The following RABL6 variants were observed in gnomAD, a reference collection of about 807,000 sequenced individuals.
The protein encoded by RABL6 is rab-like protein 6.
RABL6 carries 28 observed loss-of-function variants against 72.9 expected under a neutral mutation model. The observed-to-expected ratio is 0.38, with a 90% confidence interval of 0.28 to 0.53. RABL6 has a LOEUF of 0.53. RABL6 is among the 20% of genes least tolerant of loss of function. The pLI is 0.80. For synonymous variants in RABL6, 477 were observed against 421.2 expected, an observed-to-expected ratio of 1.13 and a Z score of -1.62; for missense variants, 1,029 against 1,008.4, an observed-to-expected ratio of 1.02 and a Z score of -0.28.
At chr9:136,834,919 G>C (rs1688891375) in intron 7 of RABL6, among the ~76,000 whole-genome samples, 2 of 126,668 alleles carry the variant, frequency 1.6e-5, no homozygotes, top group Non-Finnish European at 3.2e-5. Flanking sequence ...AATATAGCAT[G>C]ACCCTGTTCT....
rs202104047 is a variant in RABL6, at chr9:136,831,907, G to A, written c.599+46G>A. Reference sequence around the variant, plus strand: ...CCCGAGGGACCCTGCCCGGTGCTCCGGTGTGCGGGGGAGGGTGCTGAGGCA... The same window carrying A: ...CCCGAGGGACCCTGCCCGGTGCTCCAGTGTGCGGGGGAGGGTGCTGAGGCA... On this transcript the variant is annotated intron_variant, in intron 6 of 14. Transcript: ENST00000311502. 1.5e-4 allele frequency: 233 copies of A among 1,563,898 alleles called. 1 individual carries two copies. Among genetic ancestry groups the A allele is most frequent in the South Asian group, 1.2e-3 (106 of 85,016 alleles).
chr9:136,839,357 G>T lies in RABL6; in HGVS notation c.1629G>T (p.Glu543Asp). Residue 543 changes from glutamate (E) to aspartate (D), a missense_variant, in exon 12 of 15, where the codon GAG becomes GAT. Physicochemically the swap from Glu to Asp is conservative, Grantham distance 45. Around this residue, in one of 2 missense-constraint regions of RABL6, gnomAD observed 595 missense variants for 472.4 expected, o/e 1.26. Transcript: ENST00000311502. ...RSSTRPPAEM[E>D]PGKGEQASSS... ...GCACCAGGCCCCCTGCTGAGATGGAGCCGGGGAAGGGTGAGCAGGCCTCCT... is the reference window on the plus strand; with the variant it reads ...GCACCAGGCCCCCTGCTGAGATGGATCCGGGGAAGGGTGAGCAGGCCTCCT... The T allele has an allele frequency of 6.2e-7, 1 of 1,612,730 alleles. No homozygotes were observed. The highest frequency in any genetic ancestry group is 8.5e-7 in the Non-Finnish European group (1 of 1,179,800).
At chr9:136,815,524 C>T (rs2484661) in intron 1 of RABL6, 181,955 of 242,330 alleles carry the variant, frequency 0.75, 69,206 homozygotes, top group Non-Finnish European at 0.79. Context: ...TTACCTGCCT[C>T]GACACCAAGT....
chr9:136,811,110 G>A (rs567468043), intron 1 of RABL6, among the ~76,000 whole-genome samples: 1 of 152,218 alleles, frequency 6.6e-6, no homozygotes, highest in Non-Finnish European at 1.5e-5. Context: ...TATTTGAAGA[G>A]ATTTATTTTT....
At chr9:136,839,977 G>A in intron 13 of RABL6, 112 bp downstream of exon 13, 1 of 1,495,194 alleles carries the variant, frequency 6.7e-7, no homozygotes, top group Non-Finnish European at 9.1e-7. Context: ...AGGATGCTGT[G>A]CCATGCTCCT....
chr9:136,825,680 G>A (rs1032936691), intron 2 of RABL6, 99 bp from the exon 3 acceptor site: 10 of 1,317,620 alleles, frequency 7.6e-6, no homozygotes, highest in Admixed American at 1.7e-5. Flanking sequence ...GGTGGGAGCC[G>A]GTGGCTGCGG....
rs969667957 is a variant in RABL6 at position 136,826,156 on chromosome 9, G to A, written c.313+330G>A. Among the ~76,000 whole-genome samples the A allele has an allele frequency of 1.3e-5, 2 of 152,134 alleles. No homozygotes were observed. Among genetic ancestry groups the A allele is most frequent in the Non-Finnish European group, 2.9e-5 (2 of 67,996 alleles). On this transcript the variant is annotated intron_variant, in intron 3 of 14. Transcript: ENST00000311502. The surrounding 1 kb of genome is among the most constrained non-coding windows in gnomAD (Gnocchi z 4.9). Reference sequence around the variant, plus strand: ...GAGCCCTCCTCCTGCACTGCCTGGCGGAGTAGCCCAGCACCAGGCGGCCCC... The same window carrying A: ...GAGCCCTCCTCCTGCACTGCCTGGCAGAGTAGCCCAGCACCAGGCGGCCCC...
chr9:136,829,603 C>G (rs1231479603), intron 5 of RABL6, 119 bp downstream of exon 5: 1 of 930,174 alleles, frequency 1.1e-6, no homozygotes, highest in African/African-American at 1.6e-5. Context: ...CCGAGGGACT[C>G]TTGCTGGGCA....
intron 7 of RABL6, chr9:136,834,416 T>A (rs1488163454): frequency 1.0e-6 from 1 of 986,766 alleles, no homozygotes; most frequent in Non-Finnish European, 1.2e-6. Context: ...TTGACAAGTC[T>A]GTAGATTTCT....
rs1203590413 is a variant in RABL6 at position 136,839,791 on chromosome 9, T to G, written c.1856T>G (p.Phe619Cys). 1.9e-6 allele frequency: 3 copies of G among 1,612,774 alleles called. No individual in the cohort carries two copies. Among genetic ancestry groups the G allele is most frequent in the Non-Finnish European group, 1.7e-6 (2 of 1,179,812 alleles). ...CCCCCCAAGCTCCCTCTCCCCGCCT[T>G]CAGACTGAAGAATGACTCGGACCTC... ...PPPPKLPLPA[F>C]RLKNDSDLFG... is the part of the protein sequence containing the mutation. Residue 619 changes from phenylalanine (F) to cysteine (C), a missense_variant, in exon 13 of 15, where the codon TTC becomes TGC. This residue lies in a region of RABL6 where 595 missense variants were observed against 472.4 expected (regional missense o/e 1.26). Transcript: ENST00000311502.
At chr9:136,821,729 T>C (rs2784091) in intron 1 of RABL6, 871,356 of 1,107,876 alleles carry the variant, frequency 0.79, 343,818 homozygotes, top group East Asian at 0.87. Flanking sequence ...GGGGCTGCTG[T>C]GCTCTCCACA....
intron 2 of RABL6, among the ~76,000 whole-genome samples, chr9:136,824,004 T>C (rs1848298348): frequency 6.6e-6 from 1 of 152,210 alleles, no homozygotes; most frequent in African/African-American, 2.4e-5. Context: ...TATTTTTTCT[T>C]GGGCCCCAGC....
Position 136,823,517 on chromosome 9 carries a change from G to A in RABL6, c.131-8G>A, listed in dbSNP as rs770953163. 10 of 1,613,088 alleles carry A rather than the reference G, an allele frequency of 6.2e-6. No homozygotes were observed. The highest frequency in any genetic ancestry group is 4.5e-5 in the East Asian group (2 of 44,854). Reference sequence around the variant, plus strand: ...ATTTGCCTTTTCTTTTTCTCTTCCCGTCCCCAGTGAAGATAGTGATCCGGG... The same window carrying A: ...ATTTGCCTTTTCTTTTTCTCTTCCCATCCCCAGTGAAGATAGTGATCCGGG... On this transcript the variant is annotated splice_polypyrimidine_tract_variant and splice_region_variant and intron_variant, in intron 1 of 14. Coordinates refer to ENST00000311502, the MANE Select transcript of RABL6 (RefSeq NM_024718.5).
chr9:136,817,574 T>TGGGGAGGCCAACGTGGGCTGA (rs1848145687), intron 1 of RABL6, among the ~76,000 whole-genome samples: 2 of 104,674 alleles, frequency 1.9e-5, no homozygotes, highest in African/African-American at 7.8e-5. Context: ...ACGTGGGCTG[T>TGGGGAGGCCAACGTGGGCTGA]GGGGAGGCCG....
chr9:136,813,208 C>A, intron 1 of RABL6: 1 of 516,122 alleles, frequency 1.9e-6, no homozygotes. Flanking sequence ...GCCTGATTGC[C>A]CTGCCCCCAG....
intron 11 of RABL6, 21 bp downstream of exon 11, chr9:136,839,142 G>A (rs372553701): frequency 2.3e-5 from 37 of 1,609,632 alleles, no homozygotes; most frequent in Middle Eastern, 1.7e-4. Flanking sequence ...GTGTCCCCAC[G>A]GGTGCGGCCT....
chr9:136,827,332 G>C (rs769765334), intron 3 of RABL6: 2 of 152,316 alleles, frequency 1.3e-5, no homozygotes, highest in Non-Finnish European at 2.9e-5. Flanking sequence ...TCAAGGGTGA[G>C]AGGAAGCCGA....
chr9:136,840,300 G>A (rs368350739), intron 14 of RABL6, 22 bp from the exon 15 acceptor site: 83 of 1,604,842 alleles, frequency 5.2e-5, no homozygotes, highest in Non-Finnish European at 6.4e-5. Context: ...ACTCCATGGC[G>A]CCCCATCCTT....
chr9:136,841,144 C>CCAAA lies in RABL6; in HGVS notation c.*625_*628dup. The CCAAA allele has an allele frequency of 2.1e-6, 2 of 937,034 alleles. No individual in the cohort carries two copies. Among genetic ancestry groups the CCAAA allele is most frequent in the Non-Finnish European group, 3.0e-6 (2 of 673,334 alleles). 58.0% of individuals were successfully genotyped at this position (937,034 alleles called of 1,614,324 possible). On this transcript the variant is annotated 3_prime_UTR_variant, in exon 15 of 15. Coordinates refer to ENST00000311502, the MANE Select transcript of RABL6 (RefSeq NM_024718.5). ...AGGCAGGAGCCGGGAGGCACTCCTC[C>CCAAA]CAAACACTCCACTCAGACCATAAAG...
Sources: allele counts gnomAD v4.1 joint callset (sites outside exome capture counted in the v4.1 genomes callset), GRCh38; gene constraint gnomAD v4.1.1; regional missense constraint gnomAD v4.1.1; non-coding constraint Gnocchi (gnomAD v3.1); transcripts MANE v1.5; gene names NCBI Gene and HGNC (gene_info 2026-07-23, HGNC 2026-07-21).